Variants in DHX29 observed in about 807,000 individuals in gnomAD.
The protein encoded by DHX29 is ATP-dependent RNA helicase DHX29.
In DHX29, 79 loss-of-function variants were observed where a neutral mutation model predicts 167.9. That is an observed-to-expected ratio of 0.47 (90% confidence interval 0.39 to 0.57). DHX29 has a LOEUF of 0.57. Among genes scored for constraint, DHX29 ranks in the 20% least tolerant of loss-of-function variants. The probability of loss-of-function intolerance (pLI) is 0.00; values close to 1 mark genes in which losing one functional copy is unlikely to be tolerated. For missense variants in DHX29, 1,347 were observed against 1,593.4 expected (o/e 0.85, Z 2.63); for synonymous variants, 530 against 546.0 (o/e 0.97, Z 0.41).
At chr5:55,294,338 T>C (rs1375224132) in intron 5 of DHX29, among the ~76,000 whole-genome samples, 193 bp from the exon 6 acceptor site, 1 of 152,150 alleles carries the variant, frequency 6.6e-6, no homozygotes, top group Non-Finnish European at 1.5e-5. Context: ...CCAAAGAATA[T>C]GTTTACATAA....
intron 12 of DHX29, among the ~76,000 whole-genome samples, chr5:55,281,079 ACGCT>A (rs1231277300): frequency 2.0e-5 from 3 of 146,862 alleles, no homozygotes; most frequent in African/African-American, 7.7e-5. Context: ...ACACACACAC[ACGCT>A]ATATATAACC....
At chr5:55,295,264 T>C in intron 5 of DHX29, 115 bp downstream of exon 5, 1 of 793,678 alleles carries the variant, frequency 1.3e-6, no homozygotes, top group Non-Finnish European at 2.0e-6. Context: ...GCAAACCAAT[T>C]AGTTATTTGT....
At chr5:55,268,165 T>G (rs1375799684) in intron 21 of DHX29, among the ~76,000 whole-genome samples, 1 of 152,186 alleles carries the variant, frequency 6.6e-6, no homozygotes, top group African/African-American at 2.4e-5. Flanking sequence ...CAGTCTGTCA[T>G]ACAGTTAGAG....
At chr5:55,300,844 C>T (rs894673234) in intron 1 of DHX29, among the ~76,000 whole-genome samples, 1 of 152,140 alleles carries the variant, frequency 6.6e-6, no homozygotes, top group African/African-American at 2.4e-5. Context: ...CAACAAAATA[C>T]CACAGACTGC....
chr5:55,265,201 G>A (rs573280089), intron 23 of DHX29, among the ~76,000 whole-genome samples: 44 of 147,428 alleles, frequency 3.0e-4, no homozygotes, highest in Admixed American at 1.9e-3. Context: ...ATACCACAAG[G>A]ATACAATCAA....
intron 23 of DHX29, among the ~76,000 whole-genome samples, chr5:55,265,377 G>GAA (rs77605415): frequency 1.8e-5 from 2 of 113,490 alleles, no homozygotes; most frequent in East Asian, 5.5e-4. Flanking sequence ...AAAGAAAAAA[G>GAA]AAAAAAAAAA....
At chr5:55,290,184 A>G in intron 7 of DHX29, 34 bp downstream of exon 7, 1 of 1,585,626 alleles carries the variant, frequency 6.3e-7, no homozygotes, top group Non-Finnish European at 8.5e-7. Context: ...GAAGACAATT[A>G]CATTTATACA....
chr5:55,283,170 C>A (rs1323321920), intron 11 of DHX29, 33 bp downstream of exon 11: 1 of 1,545,578 alleles, frequency 6.5e-7, no homozygotes, highest in South Asian at 1.2e-5. Context: ...ATGTCACCAT[C>A]ATTCACTGAG....
chr5:55,277,087 C>G lies in DHX29; in HGVS notation c.2286+19G>C. On this transcript the variant is annotated intron_variant, in intron 13 of 26. Transcript: ENST00000251636. Reference sequence around the variant, plus strand: ...GGAATGCAGTTTCTGCTTATACACACATTATAAAGAAAACTTACCTCAACA... The same window carrying G: ...GGAATGCAGTTTCTGCTTATACACAGATTATAAAGAAAACTTACCTCAACA... The G allele has an allele frequency of 6.3e-7, 1 of 1,578,398 alleles. No individual in the cohort carries two copies. The highest frequency in any genetic ancestry group is 8.6e-7 in the Non-Finnish European group (1 of 1,158,776).
chr5:55,289,216 C>CT, intron 8 of DHX29, 54 bp downstream of exon 8: 1 of 1,464,388 alleles, frequency 6.8e-7, no homozygotes, highest in South Asian at 1.6e-5. Context: ...TTATATATTT[C>CT]TTGACATTTT....
In DHX29 at chr5:55,269,628, G is replaced by C. The variant is rs779526704; in HGVS notation, c.3079C>G (p.Leu1027Val). The change falls in exon 21 of 27, where the codon CTT (leucine) becomes GTT (valine). Residue 1027 changes from leucine to valine, a missense_variant. Physicochemically the swap from Leu to Val is conservative, Grantham distance 32 (BLOSUM62 1). Around this residue, in one of 3 missense-constraint regions of DHX29, gnomAD observed 882 missense variants for 1,082.4 expected, o/e 0.81. Coordinates refer to ENST00000251636, the MANE Select transcript of DHX29 (RefSeq NM_019030.4). ...GAGAGGAAATCTTCAGGAGAACCAAGATTACATTTCTGCAGATTAAAAAAG... is the reference window on the plus strand; with the variant it reads ...GAGAGGAAATCTTCAGGAGAACCAACATTACATTTCTGCAGATTAAAAAAG... ...ELCLHIMKCNLGSPEDFLSKA... is the reference protein window; with the variant it reads ...ELCLHIMKCNVGSPEDFLSKA... 13 of 1,612,928 alleles carry C rather than the reference G, an allele frequency of 8.1e-6. No individual in the cohort carries two copies. The Middle Eastern group carries it at 5.0e-4, about 61-fold the overall frequency.
Position 55,274,710 on chromosome 5 carries a change from T to C in DHX29, c.2594A>G (p.Asn865Ser). The change falls in exon 16 of 27, where the codon AAT becomes AGT. Residue 865 changes from asparagine to serine, a missense_variant. Around this residue, in one of 3 missense-constraint regions of DHX29, gnomAD observed 882 missense variants for 1,082.4 expected, o/e 0.81. Coordinates refer to ENST00000251636, the MANE Select transcript of DHX29 (RefSeq NM_019030.4). ...AYLDKSPQFRNIEGAVLIFLP... is the reference protein window; with the variant it reads ...AYLDKSPQFRSIEGAVLIFLP... The stretch of plus-strand genomic sequence containing the variant: ...AAAGATCAATACTGCTCCTTCAATA[T>C]TTCTGAATTGGGGACTTTTATCTGA... 1.9e-6 allele frequency: 3 copies of C among 1,593,404 alleles called. No individual in the cohort carries two copies. The highest frequency in any genetic ancestry group is 2.6e-6 in the Non-Finnish European group (3 of 1,173,738).
At position 55,267,712 on chromosome 5, in the gene DHX29, G is replaced by A. The variant is rs1579760073; in HGVS notation, c.3405C>T (p.His1135=). The part of the protein sequence containing the change: ...KSALAMADSD[H]LTIYNAYLGW... ...CTAGATATGCATTGTAGATCGTCAG[G>A]TGGTCTGAATCCGCCATGGCCAAAG... is the stretch of plus-strand genomic sequence containing the variant. Residue 1135 remains histidine (H), a synonymous_variant, in exon 22 of 27, where the codon CAC becomes CAT. Coordinates refer to ENST00000251636, the MANE Select transcript of DHX29 (RefSeq NM_019030.4). 6.2e-7 allele frequency: 1 copy of A among 1,603,268 alleles called. No individual in the cohort carries two copies. The highest frequency in any genetic ancestry group is 8.5e-7 in the Non-Finnish European group (1 of 1,174,830).
intron 1 of DHX29, among the ~76,000 whole-genome samples, chr5:55,306,235 C>A (rs1174850364): frequency 3.3e-5 from 5 of 152,182 alleles, no homozygotes; most frequent in African/African-American, 1.2e-4. Flanking sequence ...AGTCTCATCT[C>A]ATTTCATCCT....
At chr5:55,267,096 G>T in intron 23 of DHX29, 42 bp downstream of exon 23, 1 of 1,320,330 alleles carries the variant, frequency 7.6e-7, no homozygotes, top group Non-Finnish European at 1.1e-6. Flanking sequence ...ACTTATTATA[G>T]TTACCCATGA....
At chr5:55,285,958 GAAGAT>G in intron 8 of DHX29, 97 bp from the exon 9 acceptor site, 1 of 1,020,706 alleles carries the variant, frequency 9.8e-7, no homozygotes, top group Non-Finnish European at 1.4e-6. Context: ...AGCACTTTTA[GAAGAT>G]AATACTTGAG....
rs150634245 is a variant in DHX29 at position 55,295,660 on chromosome 5, T to C, written c.506-136A>G. ...CTTCTATTCCCTCATCTCCTAAGAATAGAAATCTTAAGATGAACCTGGTTT... is the reference window on the plus strand; with the variant it reads ...CTTCTATTCCCTCATCTCCTAAGAACAGAAATCTTAAGATGAACCTGGTTT... On this transcript the variant is annotated intron_variant, in intron 4 of 26. Coordinates refer to ENST00000251636, the MANE Select transcript of DHX29 (RefSeq NM_019030.4). The C allele has an allele frequency of 3.3e-3, 2,752 of 826,404 alleles. 8 individuals carry two copies. Among genetic ancestry groups the C allele is most frequent in the Middle Eastern group, 5.8e-3 (17 of 2,916 alleles). 51.2% of individuals were successfully genotyped at this position (826,404 alleles called of 1,614,324 possible).
chr5:55,303,335 T>C (rs1024000367), intron 1 of DHX29, among the ~76,000 whole-genome samples: 3 of 152,152 alleles, frequency 2.0e-5, no homozygotes, highest in Non-Finnish European at 4.4e-5. Context: ...ACTCTGGTGG[T>C]AAACAGACCC....
rs371014685 is a variant in DHX29 at position 55,259,828 on chromosome 5, A to G, written c.4057+20T>C. ...TACACATATGTGTATATGGTCTTTC[A>G]CTTATAAGCAAACACTTACTTTCAA... On this transcript the variant is annotated intron_variant, in intron 26 of 26. Coordinates refer to ENST00000251636, the MANE Select transcript of DHX29 (RefSeq NM_019030.4). 13 of 1,400,254 alleles carry G rather than the reference A, an allele frequency of 9.3e-6. No homozygotes were observed. The African/African-American group carries it at 1.1e-4, about 12-fold the overall frequency. 86.7% of individuals were successfully genotyped at this position (1,400,254 alleles called of 1,614,324 possible).
Sources: allele counts gnomAD v4.1 joint callset (sites outside exome capture counted in the v4.1 genomes callset), GRCh38; gene constraint gnomAD v4.1.1; regional missense constraint gnomAD v4.1.1; transcripts MANE v1.5; gene names NCBI Gene and HGNC (gene_info 2026-07-23, HGNC 2026-07-21).